Variants in CIC observed in about 807,000 individuals in gnomAD.
The protein encoded by CIC is protein capicua homolog.
A neutral mutation model predicts 115.7 loss-of-function variants in CIC; 18 were observed. The ratio of observed to expected loss-of-function variants is 0.16; its 90% CI spans 0.11 to 0.23. The LOEUF is 0.23. Among genes scored for constraint, CIC ranks in the 10% least tolerant of loss-of-function variants. The pLI is 1.00. For synonymous variants in CIC, 1,076 were observed against 923.0 expected (o/e 1.17, Z -3.01); for missense variants, 2,000 against 2,159.3 (o/e 0.93, Z 1.46).
At chr19:42,288,740 T>G (rs1599900934) in intron 7 of CIC, 148 bp from the exon 8 acceptor site, 1 of 740,990 alleles carries the variant, frequency 1.3e-6, no homozygotes, top group Non-Finnish European at 2.4e-6. Flanking sequence ...GGACTGGTGG[T>G]GGGTGGTGGT....
chr19:42,290,913 T>C lies in CIC; in HGVS notation c.4872T>C (p.Ser1624=), dbSNP rs1348949252. ...AGARTEMGTG[S]RVPGGSPLGV... is the part of the protein sequence containing the mutation. Reference sequence around the variant, plus strand: ...CCAGGACTGAAATGGGCACTGGGTCTCGGGTGCCTGGGGGCTCCCCGCTGG... The same window carrying C: ...CCAGGACTGAAATGGGCACTGGGTCCCGGGTGCCTGGGGGCTCCCCGCTGG... Residue 1624 remains serine (S), a synonymous_variant, in exon 11 of 21, where the codon TCT becomes TCC. Coordinates refer to ENST00000681038, the MANE Select transcript of CIC (RefSeq NM_001386298.1). 1 of 1,613,546 alleles carries C rather than the reference T, an allele frequency of 6.2e-7. No individual in the cohort carries two copies. The highest frequency in any genetic ancestry group is 1.7e-5 in the Admixed American group (1 of 60,030).
intron 9 of CIC, 108 bp downstream of exon 9, chr19:42,289,514 C>A: frequency 7.7e-7 from 1 of 1,292,124 alleles, no homozygotes; most frequent in South Asian, 1.3e-5. Context: ...TTCTTTTCCA[C>A]TTGGTTTATG....
Position 42,294,839 on chromosome 19 carries a change from C to T in CIC, c.7202C>T (p.Ala2401Val). 6.2e-7 allele frequency: 1 copy of T among 1,601,926 alleles called. No homozygotes were observed. Among genetic ancestry groups the T allele is most frequent in the Non-Finnish European group, 8.5e-7 (1 of 1,179,954 alleles). ...GFFPSAQATAAFQARYADIFP... is the reference protein window; with the variant it reads ...GFFPSAQATAVFQARYADIFP... ...CTATCTCCAGCCCAGGCCACAGCCG[C>T]CTTCCAGGCCCGCTATGCAGACATC... The change falls in exon 21 of 21, where the codon GCC (alanine) becomes GTC (valine). Residue 2401 changes from alanine (A) to valine (V), a missense_variant. Ala to Val is a moderately conservative substitution (Grantham distance 64). Around this residue, in one of 8 missense-constraint regions of CIC, gnomAD observed 17 missense variants for 17.8 expected, o/e 0.95. Coordinates refer to ENST00000681038, the MANE Select transcript of CIC (RefSeq NM_001386298.1).
At chr19:42,283,998 C>CA (rs2037403858) in intron 2 of CIC, 1 of 138,140 alleles carries the variant, frequency 7.2e-6, no homozygotes, top group African/African-American at 2.6e-5. Context: ...CGGAAGGCCG[C>CA]GGGGGAAGCG....
At chr19:42,284,180 G>C (rs2037422564) in intron 2 of CIC, 1 of 148,158 alleles carries the variant, frequency 6.7e-6, no homozygotes, top group East Asian at 2.0e-4. Context: ...CTCGGGCCCG[G>C]GGCCCGGAAA....
rs975139876 is a variant in CIC, at chr19:42,291,354, C to A, written c.5313C>A (p.Ile1771=). The change falls in exon 11 of 21, where the codon ATC becomes ATA. Residue 1771 remains isoleucine (I), a synonymous_variant. Transcript: ENST00000681038. ...GCGGCCCTGCACCCACCACCAGCAT[C>A]CGTTTCACCCTCCCACCGGGCACTT... ...APSGPAPTTS[I]RFTLPPGTST... 2.5e-6 allele frequency: 4 copies of A among 1,612,818 alleles called. No individual in the cohort carries two copies. Among genetic ancestry groups the A allele is most frequent in the Non-Finnish European group, 2.5e-6 (3 of 1,179,938 alleles).
chr19:42,294,113 G>C, intron 18 of CIC, 24 bp downstream of exon 18: 6 of 1,613,714 alleles, frequency 3.7e-6, no homozygotes, highest in Non-Finnish European at 5.1e-6. Flanking sequence ...GGGCACCCAG[G>C]GTCCTTAGGT....
chr19:42,289,469 C>T, intron 9 of CIC, 63 bp downstream of exon 9: 1 of 1,518,156 alleles, frequency 6.6e-7, no homozygotes, highest in South Asian at 1.2e-5. Context: ...AGAGGGTGGG[C>T]AGAACTTGGA....
At chr19:42,286,316 GAA>G (rs2037636320) in intron 2 of CIC, among the ~76,000 whole-genome samples, 1 of 152,100 alleles carries the variant, frequency 6.6e-6, no homozygotes, top group Admixed American at 6.5e-5. Flanking sequence ...TCAGGAAAGG[GAA>G]AGAGAGCATG....
intron 2 of CIC, among the ~76,000 whole-genome samples, chr19:42,282,606 A>C (rs1011574182): frequency 1.3e-5 from 2 of 152,128 alleles, no homozygotes; most frequent in East Asian, 1.9e-4. Flanking sequence ...CTCTGTTTGG[A>C]GTTCCCTCCC....
At position 42,276,375 on chromosome 19, in the gene CIC, C is replaced by T. The variant is rs577091228; in HGVS notation, c.2794+1798C>T. On this transcript the variant is annotated intron_variant, in intron 2 of 20. Coordinates refer to ENST00000681038, the MANE Select transcript of CIC (RefSeq NM_001386298.1). ...TTTTGAGCAGATTCAACCACTGCTG[C>T]ACCATAGAGGGTGTGTTTGAGTCTC... 1.1e-4 allele frequency among the ~76,000 whole-genome samples: 16 copies of T among 152,258 alleles called. No homozygotes were observed. The South Asian group carries it at 3.3e-3, about 32-fold the overall frequency.
rs781232944 is a variant in CIC, at chr19:42,287,803, C to T, written c.3493-7C>T. ...GAGTGAAGGGTTGCCCTGCCCTCTC[C>T]TGCCAGGTGAAGGAGGCCCACTTCA... On this transcript the variant is annotated splice_region_variant and splice_polypyrimidine_tract_variant and intron_variant, in intron 6 of 20. Coordinates refer to ENST00000681038, the MANE Select transcript of CIC (RefSeq NM_001386298.1). The surrounding 1 kb of genome is among the most constrained non-coding windows in gnomAD (Gnocchi z 8.7). 6.2e-7 allele frequency: 1 copy of T among 1,613,924 alleles called. No homozygotes were observed. Among genetic ancestry groups the T allele is most frequent in the Non-Finnish European group, 8.5e-7 (1 of 1,179,944 alleles).
chr19:42,294,424 C>T, intron 19 of CIC, 120 bp downstream of exon 19: 14 of 1,562,708 alleles, frequency 9.0e-6, no homozygotes, highest in African/African-American at 1.3e-5. Context: ...GAAGCACAGC[C>T]TGTCAGTGGT....
chr19:42,279,584 T>TC (rs1356594475), intron 2 of CIC, among the ~76,000 whole-genome samples: 1 of 152,210 alleles, frequency 6.6e-6, no homozygotes, highest in African/African-American at 2.4e-5. Flanking sequence ...GTGCATGAAC[T>TC]CCGAGTGGCT....
Position 42,291,558 on chromosome 19 carries a change from C to G in CIC, c.5426C>G (p.Ala1809Gly). ...TCCTTTCTTGCCTCTTAACTTCCAG[C>G]CCAGTCAGTTTCTCCCGTGCAGGCC... ...QSVPSAPPPK[A>G]QSVSPVQAPP... The change falls in exon 12 of 21, where the codon GCC (alanine) becomes GGC (glycine). Residue 1809 changes from alanine (A) to glycine (G), a missense_variant and splice_region_variant. By Grantham distance (60) the Ala-to-Gly change is moderately conservative (BLOSUM62 0). Transcript: ENST00000681038. 3 of 1,613,090 alleles carry G rather than the reference C, an allele frequency of 1.9e-6. No individual in the cohort carries two copies. The highest frequency in any genetic ancestry group is 2.5e-6 in the Non-Finnish European group (3 of 1,180,000).
intron 1 of CIC, 120 bp from the exon 2 acceptor site, chr19:42,271,654 A>C (rs946639141): frequency 1.3e-5 from 5 of 397,654 alleles, no homozygotes; most frequent in Non-Finnish European, 2.2e-5. Context: ...GCCAGAGAGG[A>C]GGCCTTGGGG....
chr19:42,283,892 T>A (rs1400994760), intron 2 of CIC: 1 of 150,436 alleles, frequency 6.6e-6, no homozygotes, highest in African/African-American at 2.4e-5. Context: ...TGACTGACGT[T>A]CCCCCGGGGC....
rs1472986382 is a variant in CIC at position 42,287,697 on chromosome 19, G to C, written c.3462G>C (p.Glu1154Asp). 1.2e-6 allele frequency: 2 copies of C among 1,614,156 alleles called. No homozygotes were observed. The highest frequency in any genetic ancestry group is 8.5e-7 in the Non-Finnish European group (1 of 1,180,028). ...GEWWYALGPK[E>D]KQKYHDLAFQ... is the part of the protein sequence containing the mutation. ...GGTGGTATGCCCTGGGGCCCAAGGA[G>C]AAGCAGAAGTACCACGACCTGGCCT... The change falls in exon 6 of 21, where the codon GAG (glutamate) becomes GAC (aspartate). Residue 1154 changes from glutamate (E) to aspartate (D), a missense_variant. Around this residue, in one of 8 missense-constraint regions of CIC, gnomAD observed 22 missense variants for 93.8 expected, o/e 0.23. Transcript: ENST00000681038. The surrounding 1 kb of genome is among the most constrained non-coding windows in gnomAD (Gnocchi z 8.7).
intron 20 of CIC, 23 bp downstream of exon 20, chr19:42,294,758 G>C: frequency 1.2e-6 from 2 of 1,611,732 alleles, no homozygotes; most frequent in Non-Finnish European, 1.7e-6. Context: ...CGGAGTCTTG[G>C]GGTCACTCGG....
Sources: gnomAD v4.1 joint callset for allele counts (sites outside exome capture counted in the v4.1 genomes callset) on GRCh38, gnomAD v4.1.1 for gene constraint, gnomAD v4.1.1 regional missense constraint, Gnocchi (gnomAD v3.1) non-coding constraint, MANE v1.5 for transcripts, NCBI Gene and HGNC (gene_info 2026-07-23, HGNC 2026-07-21) for gene names.